DPF3: variants seen among roughly 807,000 people sequenced by gnomAD.
The protein encoded by DPF3 is zinc finger protein DPF3.
Under a neutral mutation model 56.8 loss-of-function variants are expected in DPF3, and 18 were observed. The ratio of observed to expected loss-of-function variants is 0.32; its 90% CI spans 0.22 to 0.47. DPF3 has a LOEUF of 0.47. Ranked by LOEUF, DPF3 falls within the 20% of genes least tolerant of loss-of-function variation. The pLI is 1.00. For synonymous variants in DPF3, 188 were observed against 180.2 expected, an observed-to-expected ratio of 1.04 and a Z score of -0.35; for missense variants, 403 against 488.8, an observed-to-expected ratio of 0.82 and a Z score of 1.65.
chr14:72,782,127 G>T (rs1892000360), intron 1 of DPF3, among the ~76,000 whole-genome samples: 1 of 152,112 alleles, frequency 6.6e-6, no homozygotes, highest in African/African-American at 2.4e-5. Flanking sequence ...AATGCAAAGG[G>T]TGCTGCCCTC....
intron 3 of DPF3, among the ~76,000 whole-genome samples, chr14:72,737,918 C>G (rs961791946): frequency 1.3e-5 from 2 of 151,702 alleles, no homozygotes; most frequent in African/African-American, 2.4e-5. Flanking sequence ...TTTTTAGCTG[C>G]CTCTAGTTTT....
intron 6 of DPF3, among the ~76,000 whole-genome samples, chr14:72,709,216 G>C (rs1888549355): frequency 6.6e-6 from 1 of 152,232 alleles, no homozygotes; most frequent in African/African-American, 2.4e-5. Context: ...ACATCTGTAG[G>C]GTGGAGGTGG....
intron 1 of DPF3, among the ~76,000 whole-genome samples, chr14:72,823,377 G>A (rs1307446382): frequency 6.6e-6 from 1 of 152,220 alleles, no homozygotes; most frequent in Non-Finnish European, 1.5e-5. Context: ...AGGGAGAGAA[G>A]GAGACCTTCA....
chr14:72,675,912 C>G (rs1267489012), intron 7 of DPF3: 1 of 152,218 alleles, frequency 6.6e-6, no homozygotes, highest in African/African-American at 2.4e-5. Context: ...ATACAGAATG[C>G]TTTTGCAAAT....
chr14:72,812,298 C>T (rs1293722141), intron 1 of DPF3, among the ~76,000 whole-genome samples: 3 of 152,128 alleles, frequency 2.0e-5, no homozygotes, highest in Non-Finnish European at 4.4e-5. Context: ...ACAGCATTGC[C>T]CAGTGTTGTC....
At chr14:72,766,650 C>G (rs141722948) in intron 2 of DPF3, among the ~76,000 whole-genome samples, 2 of 152,176 alleles carry the variant, frequency 1.3e-5, no homozygotes, top group Non-Finnish European at 2.9e-5. Context: ...CAAGGTCTCA[C>G]TATGTTGCTT....
chr14:72,768,252 C>T (rs778471329), intron 2 of DPF3, among the ~76,000 whole-genome samples: 8 of 152,120 alleles, frequency 5.3e-5, no homozygotes, highest in East Asian at 3.8e-4. Flanking sequence ...ATACAATAAA[C>T]GCTTCTCTTA....
chr14:72,612,697 GC>G lies in DPF3; in HGVS notation c.*6599del. ...CACAAACCCCATTCTAGCCATAAAA[GC>G]TTTGCATCCCTTTGATAGCAGAATT... On this transcript the variant is annotated 3_prime_UTR_variant, in exon 11 of 11. Coordinates refer to ENST00000556509, the MANE Select transcript of DPF3 (RefSeq NM_001280542.3). 2.1e-6 allele frequency: 1 copy of G among 478,288 alleles called. No homozygotes were observed. The allele number at this position is 478,288 out of a possible 1,614,324, so 29.6% of individuals were successfully genotyped here.
intron 1 of DPF3, among the ~76,000 whole-genome samples, chr14:72,816,985 C>A (rs1883316927): frequency 6.6e-6 from 1 of 152,214 alleles, no homozygotes; most frequent in Non-Finnish European, 1.5e-5. Context: ...CCATCTGCCC[C>A]CCTCTGAAGC....
chr14:72,857,622 C>G lies in DPF3; in HGVS notation c.32+36435G>C, dbSNP rs560603528. Among the ~76,000 whole-genome samples, 7 of 152,268 alleles carry G rather than the reference C, an allele frequency of 4.6e-5. No individual in the cohort carries two copies. In the East Asian group the frequency reaches 1.4e-3, roughly 29 times the overall value. ...TTTGTTTTTGAGATGGAGTCTCACT[C>G]TGTCACCAGGTTGGAGTGCAGGGGC... On this transcript the variant is annotated intron_variant, in intron 1 of 10. Coordinates refer to ENST00000556509, the MANE Select transcript of DPF3 (RefSeq NM_001280542.3).
chr14:72,805,236 C>T (rs559368367), intron 1 of DPF3, among the ~76,000 whole-genome samples: 14 of 152,186 alleles, frequency 9.2e-5, no homozygotes, highest in African/African-American at 2.9e-4. Flanking sequence ...TTTGGGAGGG[C>T]GAGGTGGGCA....
intron 8 of DPF3, among the ~76,000 whole-genome samples, chr14:72,634,410 A>C (rs2526922): frequency 1.3e-5 from 2 of 151,936 alleles, no homozygotes; most frequent in East Asian, 3.9e-4. Context: ...TTAGACAAAA[A>C]GAAGTGTCTA....
At chr14:72,802,529 G>A (rs1231150165) in intron 1 of DPF3, among the ~76,000 whole-genome samples, 1 of 152,088 alleles carries the variant, frequency 6.6e-6, no homozygotes, top group Non-Finnish European at 1.5e-5. Flanking sequence ...TGGGAGCAAA[G>A]CTTCTGAGCC....
intron 1 of DPF3, among the ~76,000 whole-genome samples, chr14:72,873,197 A>C (rs1317853102): frequency 1.3e-5 from 2 of 152,026 alleles, no homozygotes; most frequent in Non-Finnish European, 2.9e-5. Flanking sequence ...AATATCCAGA[A>C]TCTACAATGA....
At chr14:72,749,550 G>C (rs114348020) in intron 3 of DPF3, among the ~76,000 whole-genome samples, 36 of 152,324 alleles carry the variant, frequency 2.4e-4, no homozygotes, top group African/African-American at 3.4e-4. Flanking sequence ...ATGAGATTTG[G>C]GAGGGGGCAA....
intron 7 of DPF3, among the ~76,000 whole-genome samples, chr14:72,688,333 C>T (rs1265499752): frequency 1.4e-5 from 2 of 143,580 alleles, no homozygotes; most frequent in Non-Finnish European, 3.1e-5. Context: ...GTGGATGGAT[C>T]GATGACGTAT....
chr14:72,873,737 G>A (rs532362210), intron 1 of DPF3, among the ~76,000 whole-genome samples: 1 of 152,284 alleles, frequency 6.6e-6, no homozygotes, highest in East Asian at 1.9e-4. Context: ...GGAATACTAT[G>A]TAGCCATTAA....
At chr14:72,850,542 C>G (rs963519452) in intron 1 of DPF3, among the ~76,000 whole-genome samples, 1 of 152,224 alleles carries the variant, frequency 6.6e-6, no homozygotes, top group Non-Finnish European at 1.5e-5. Flanking sequence ...GATGTCCCCG[C>G]CCCTGCTCTG....
chr14:72,757,406 C>T (rs1332368248), intron 2 of DPF3, among the ~76,000 whole-genome samples: 2 of 152,140 alleles, frequency 1.3e-5, no homozygotes, highest in Admixed American at 1.3e-4. Flanking sequence ...ATCTATCTCC[C>T]TATAAGTTAT....
Sources: gnomAD v4.1 joint callset for allele counts (sites outside exome capture counted in the v4.1 genomes callset) on GRCh38, gnomAD v4.1.1 for gene constraint, MANE v1.5 for transcripts, NCBI Gene and HGNC (gene_info 2026-07-23, HGNC 2026-07-21) for gene names.